The following SORCS3 variants were observed in gnomAD, a reference collection of about 807,000 sequenced individuals.
SORCS3 encodes sortilin related VPS10 domain containing receptor 3.
Under a neutral mutation model 146.3 loss-of-function variants are expected in SORCS3, and 57 were observed. The observed-to-expected ratio is 0.39, with a 90% CI of 0.31 to 0.49. SORCS3 has a LOEUF of 0.49. SORCS3 is among the 20% of genes least tolerant of loss of function. SORCS3 has a pLI of 0.92. For missense variants in SORCS3, 1,341 were observed against 1,575.5 expected (o/e 0.85, Z 2.52); for synonymous variants, 653 against 618.5 (o/e 1.06, Z -0.83).
chr10:105,126,160 T>G (rs1354618618), intron 7 of SORCS3, among the ~76,000 whole-genome samples: 1 of 152,184 alleles, frequency 6.6e-6, no homozygotes, highest in Non-Finnish European at 1.5e-5. Context: ...TATTGAGCAG[T>G]GTCATATACT....
At chr10:104,991,230 G>A (rs1193503627) in intron 4 of SORCS3, among the ~76,000 whole-genome samples, 1 of 152,072 alleles carries the variant, frequency 6.6e-6, no homozygotes, top group Non-Finnish European at 1.5e-5. Flanking sequence ...GTTTGTTTGG[G>A]GTGCTATAGC....
In SORCS3 at chr10:105,264,077, C is replaced by T. The variant is rs1384454608; in HGVS notation, c.*703C>T. On this transcript the variant is annotated 3_prime_UTR_variant, in exon 27 of 27. Transcript: ENST00000369701. Reference sequence around the variant, plus strand: ...TTGGGTTTGGATGCTCTCCTGTTGTCTGTCACACTTAACTCTTGCATCTCC... The same window carrying T: ...TTGGGTTTGGATGCTCTCCTGTTGTTTGTCACACTTAACTCTTGCATCTCC... The T allele has an allele frequency of 1.4e-5, 2 of 143,662 alleles. No individual in the cohort carries two copies. Among genetic ancestry groups the T allele is most frequent in the Non-Finnish European group, 3.0e-5 (2 of 67,422 alleles). 8.9% of individuals were successfully genotyped at this position (143,662 alleles called of 1,614,324 possible).
chr10:104,959,068 G>A (rs2054773727), intron 3 of SORCS3, among the ~76,000 whole-genome samples: 1 of 152,062 alleles, frequency 6.6e-6, no homozygotes, highest in South Asian at 2.1e-4. Flanking sequence ...CCTCCAGAAA[G>A]GAAAACAGCC....
chr10:104,834,275 C>T (rs1039738827), intron 1 of SORCS3, among the ~76,000 whole-genome samples: 4 of 152,142 alleles, frequency 2.6e-5, no homozygotes, highest in Non-Finnish European at 4.4e-5. Flanking sequence ...CCATCTCACT[C>T]GGAGTAAGTA....
chr10:105,017,287 G>C (rs544223682), intron 4 of SORCS3, among the ~76,000 whole-genome samples: 2 of 152,264 alleles, frequency 1.3e-5, no homozygotes, highest in East Asian at 3.9e-4. Flanking sequence ...CTGCCTTAGG[G>C]GGGCAGTTGT....
intron 9 of SORCS3, among the ~76,000 whole-genome samples, chr10:105,148,008 T>C (rs2056143926): frequency 6.6e-6 from 1 of 152,078 alleles, no homozygotes; most frequent in African/African-American, 2.4e-5. Flanking sequence ...TGAGAGATGA[T>C]GGATATACTG....
At chr10:104,749,844 A>G (rs1300600518) in intron 1 of SORCS3, among the ~76,000 whole-genome samples, 3 of 152,134 alleles carry the variant, frequency 2.0e-5, no homozygotes, top group South Asian at 2.1e-4. Context: ...TCATGGAAAG[A>G]TTTTTATTTT....
At chr10:104,946,886 T>C (rs796259439) in intron 3 of SORCS3, among the ~76,000 whole-genome samples, 4 of 152,270 alleles carry the variant, frequency 2.6e-5, no homozygotes, top group African/African-American at 9.6e-5. Context: ...AAGGCCTTGC[T>C]CCCTCTGAAC....
intron 5 of SORCS3, among the ~76,000 whole-genome samples, chr10:105,043,984 C>A (rs949779789): frequency 2.6e-5 from 4 of 151,994 alleles, no homozygotes; most frequent in African/African-American, 9.7e-5. Flanking sequence ...TTTTATCTTG[C>A]TTTCATTTTA....
chr10:105,136,382 T>A (rs926778757), intron 7 of SORCS3, among the ~76,000 whole-genome samples: 1 of 152,222 alleles, frequency 6.6e-6, no homozygotes, highest in East Asian at 1.9e-4. Flanking sequence ...ATAGTCCTCA[T>A]GTCCCAGTCA....
At chr10:105,061,192 A>G (rs573935780) in intron 5 of SORCS3, among the ~76,000 whole-genome samples, 261 of 151,602 alleles carry the variant, frequency 1.7e-3, no homozygotes, top group African/African-American at 6.1e-3. Flanking sequence ...CTTAGGTATC[A>G]TTTCTCCCAG....
Position 105,113,383 on chromosome 10 carries a change from TTAAA to T in SORCS3, c.1212+7872_1212+7875del, listed in dbSNP as rs573211623. Among the ~76,000 whole-genome samples, 185 of 152,294 alleles carry T rather than the reference TTAAA, an allele frequency of 1.2e-3. 2 individuals are homozygous for T. Among genetic ancestry groups the T allele is most frequent in the African/African-American group, 4.1e-3 (172 of 41,568 alleles). On this transcript the variant is annotated intron_variant, in intron 7 of 26. Transcript: ENST00000369701. ...CAGTATATGCATTTGAGAGTACAGT[TTAAA>T]TAATGAAAAACCTTGGTAACCTCTT...
chr10:105,032,145 T>C (rs2055272471), intron 4 of SORCS3, among the ~76,000 whole-genome samples: 1 of 152,112 alleles, frequency 6.6e-6, no homozygotes, highest in African/African-American at 2.4e-5. Context: ...TGAGCCACGA[T>C]TGCGCCACTG....
At chr10:105,009,379 G>A (rs572900267) in intron 4 of SORCS3, among the ~76,000 whole-genome samples, 12 of 152,132 alleles carry the variant, frequency 7.9e-5, no homozygotes, top group Admixed American at 6.6e-4. Context: ...ACATCCAAAG[G>A]GGTATTATGT....
chr10:105,169,209 G>A (rs1181527962), intron 13 of SORCS3, among the ~76,000 whole-genome samples: 1 of 152,110 alleles, frequency 6.6e-6, no homozygotes, highest in African/African-American at 2.4e-5. Context: ...TTCGATTTCT[G>A]TCATGGATGC....
intron 1 of SORCS3, among the ~76,000 whole-genome samples, chr10:104,660,767 A>T (rs1331912724): frequency 2.0e-5 from 3 of 152,204 alleles, no homozygotes; most frequent in Admixed American, 6.5e-5. Flanking sequence ...TAGGGCTGGC[A>T]TCAGGGAGAG....
rs535685033 is a variant in SORCS3, at chr10:104,876,223, A to G, written c.695+33364A>G. 1.0e-3 allele frequency among the ~76,000 whole-genome samples: 158 copies of G among 152,304 alleles called. 2 individuals are homozygous for G. The highest frequency in any genetic ancestry group is 3.7e-3 in the African/African-American group (152 of 41,564). On this transcript the variant is annotated intron_variant, in intron 2 of 26. Transcript: ENST00000369701. ...GAGATTTATTCTAAGGATTTTAATC[A>G]TTTCCTGTTATAGCCGGTTTGTGTT...
chr10:104,681,635 G>C (rs2015976899), intron 1 of SORCS3, among the ~76,000 whole-genome samples: 1 of 152,166 alleles, frequency 6.6e-6, no homozygotes, highest in Admixed American at 6.5e-5. Flanking sequence ...ATTGATCAGA[G>C]TTGAAGCCAG....
At chr10:104,826,074 C>A (rs1029983669) in intron 1 of SORCS3, among the ~76,000 whole-genome samples, 5 of 152,130 alleles carry the variant, frequency 3.3e-5, no homozygotes, top group African/African-American at 1.2e-4. Flanking sequence ...GAATAGAGAA[C>A]CCTGTGTTTG....
Sources: gnomAD v4.1 joint callset for allele counts (sites outside exome capture counted in the v4.1 genomes callset) on GRCh38, gnomAD v4.1.1 for gene constraint, MANE v1.5 for transcripts, NCBI Gene and HGNC (gene_info 2026-07-23, HGNC 2026-07-21) for gene names.